IMMP2L: variants seen among roughly 807,000 people sequenced by gnomAD.
IMMP2L encodes inner mitochondrial membrane peptidase subunit 2, also known as mitochondrial inner membrane protease subunit 2.
IMMP2L carries 18 observed loss-of-function variants against 19.3 expected under a neutral mutation model. The observed-to-expected ratio is 0.93, with a 90% CI of 0.64 to 1.38. IMMP2L has a LOEUF of 1.38. Among genes scored for constraint, IMMP2L ranks in the 40% most tolerant of loss-of-function variants. The pLI, the probability that IMMP2L is intolerant of heterozygous loss-of-function variation, is 0.00. For missense variants in IMMP2L, 233 were observed against 218.2 expected (o/e 1.07, Z -0.43); for synonymous variants, 76 against 73.0 (o/e 1.04, Z -0.21).
intron 3 of IMMP2L, among the ~76,000 whole-genome samples, chr7:111,199,773 T>C (rs552620775): frequency 4.6e-5 from 7 of 152,266 alleles, no homozygotes; most frequent in South Asian, 2.1e-4. Flanking sequence ...TTAGGGATCA[T>C]GTTAAAACCA....
chr7:110,703,938 C>T (rs148864669), intron 5 of IMMP2L, among the ~76,000 whole-genome samples: 241 of 151,878 alleles, frequency 1.6e-3, no homozygotes, highest in African/African-American at 5.6e-3. Flanking sequence ...CTCCACCTCC[C>T]GGGTTCATGC....
intron 5 of IMMP2L, among the ~76,000 whole-genome samples, chr7:110,861,098 TGAGAGAGA>T (rs5886583): frequency 1.3e-4 from 19 of 141,730 alleles, no homozygotes; most frequent in Admixed American, 2.8e-4. Context: ...TGTGTGTGTG[TGAGAGAGA>T]GAGAGAGAGA....
intron 5 of IMMP2L, among the ~76,000 whole-genome samples, chr7:110,737,996 A>G (rs1796748596): frequency 6.6e-6 from 1 of 152,222 alleles, no homozygotes; most frequent in Non-Finnish European, 1.5e-5. Context: ...ATCCCCATTC[A>G]TAGGGGAAGG....
chr7:111,181,368 TTTC>T (rs2129611090), intron 3 of IMMP2L, among the ~76,000 whole-genome samples: 2 of 152,188 alleles, frequency 1.3e-5, no homozygotes, highest in East Asian at 3.9e-4. Context: ...ATTCTGCTAT[TTTC>T]TTATTTGTTT....
At chr7:111,531,849 A>G (rs991759458) in intron 1 of IMMP2L, among the ~76,000 whole-genome samples, 1 of 152,172 alleles carries the variant, frequency 6.6e-6, no homozygotes, top group African/African-American at 2.4e-5. Flanking sequence ...TTTTTCTTGA[A>G]GTAATAATAC....
chr7:111,347,841 C>A (rs981263238), intron 3 of IMMP2L, among the ~76,000 whole-genome samples: 2 of 152,034 alleles, frequency 1.3e-5, no homozygotes, highest in Non-Finnish European at 2.9e-5. Flanking sequence ...AGTTCCCCAC[C>A]TTTCCTCTTT....
rs532948473 is a variant in IMMP2L, at chr7:110,867,912, C to G, written c.408+18681G>C. Reference sequence around the variant, plus strand: ...GTTTCTGATGCTGACATTTCTCGGCCTCTCCATGCACTGCTCAGTCATGGT... The same window carrying G: ...GTTTCTGATGCTGACATTTCTCGGCGTCTCCATGCACTGCTCAGTCATGGT... On this transcript the variant is annotated intron_variant, in intron 5 of 5. Transcript: ENST00000405709. Among the ~76,000 whole-genome samples, 3 of 152,132 alleles carry G rather than the reference C, an allele frequency of 2.0e-5. No individual in the cohort carries two copies. The East Asian group carries it at 5.8e-4, about 29-fold the overall frequency.
chr7:111,534,250 A>G (rs762205418), intron 1 of IMMP2L, among the ~76,000 whole-genome samples: 55 of 152,148 alleles, frequency 3.6e-4, no homozygotes, highest in Non-Finnish European at 1.9e-4. Context: ...CAGTGAAAAA[A>G]TGAAAACAAC....
At chr7:111,326,093 G>A (rs139823914) in intron 3 of IMMP2L, among the ~76,000 whole-genome samples, 105 of 151,636 alleles carry the variant, frequency 6.9e-4, no homozygotes, top group Middle Eastern at 6.8e-3. Context: ...AACCAAACCT[G>A]AGTAAATTTC....
intron 5 of IMMP2L, among the ~76,000 whole-genome samples, chr7:110,729,571 C>T (rs2130808091): frequency 6.6e-6 from 1 of 152,330 alleles, no homozygotes. Context: ...GTCAACATTT[C>T]TGCTAATTTA....
rs1428366130 is a variant in IMMP2L, at chr7:111,387,533, T to C, written c.239+99705A>G. Among the ~76,000 whole-genome samples, 3 of 152,244 alleles carry C rather than the reference T, an allele frequency of 2.0e-5. No individual in the cohort carries two copies. The East Asian group carries it at 5.8e-4, about 29-fold the overall frequency. On this transcript the variant is annotated intron_variant, in intron 3 of 5. Transcript: ENST00000405709. ...AAAAGAAACCAAAGAAAAACCTGCC[T>C]TAACAATATAGATGGTTTCTTATTC...
chr7:110,866,949 C>T (rs556953650), intron 5 of IMMP2L, among the ~76,000 whole-genome samples: 10 of 151,954 alleles, frequency 6.6e-5, no homozygotes, highest in African/African-American at 1.2e-4. Flanking sequence ...CAGATTTTCA[C>T]GTACAAAAAA....
At chr7:111,386,440 A>C (rs1289208562) in intron 3 of IMMP2L, among the ~76,000 whole-genome samples, 1 of 152,162 alleles carries the variant, frequency 6.6e-6, no homozygotes, top group Non-Finnish European at 1.5e-5. Flanking sequence ...ATAAAGGTAC[A>C]TCAATTTATA....
At chr7:110,905,919 G>A (rs1319777325) in intron 4 of IMMP2L, among the ~76,000 whole-genome samples, 1 of 152,108 alleles carries the variant, frequency 6.6e-6, no homozygotes, top group Non-Finnish European at 1.5e-5. Flanking sequence ...TTCTCTTTGT[G>A]TATGAATCCA....
intron 3 of IMMP2L, among the ~76,000 whole-genome samples, chr7:111,312,573 C>G (rs996888593): frequency 6.6e-6 from 1 of 152,036 alleles, no homozygotes; most frequent in African/African-American, 2.4e-5. Context: ...TTCTATAAAC[C>G]TTCTAGTGTA....
chr7:110,747,700 C>G lies in IMMP2L; in HGVS notation c.409-83979G>C, dbSNP rs551315007. On this transcript the variant is annotated intron_variant, in intron 5 of 5. Transcript: ENST00000405709. Reference sequence around the variant, plus strand: ...AAAGCCTTCGAAAAAATTCAACAGCCCTTCATGCTAAAAACTCTCGATAAA... The same window carrying G: ...AAAGCCTTCGAAAAAATTCAACAGCGCTTCATGCTAAAAACTCTCGATAAA... Among the ~76,000 whole-genome samples, 18 of 152,200 alleles carry G rather than the reference C, an allele frequency of 1.2e-4. No individual in the cohort carries two copies. In the East Asian group the frequency reaches 2.7e-3, roughly 23 times the overall value.
chr7:111,446,659 T>A (rs1838473599), intron 3 of IMMP2L, among the ~76,000 whole-genome samples: 3 of 152,154 alleles, frequency 2.0e-5, no homozygotes, highest in Admixed American at 2.0e-4. Flanking sequence ...CCTCTCCTCC[T>A]CCAAAGGAAC....
At chr7:110,740,595 G>A (rs981205310) in intron 5 of IMMP2L, among the ~76,000 whole-genome samples, 1 of 152,022 alleles carries the variant, frequency 6.6e-6, no homozygotes, top group Admixed American at 6.6e-5. Context: ...AACAAAAAAA[G>A]TCTGGGACCA....
At chr7:110,786,359 C>G (rs1182561647) in intron 5 of IMMP2L, among the ~76,000 whole-genome samples, 1 of 151,924 alleles carries the variant, frequency 6.6e-6, no homozygotes, top group Non-Finnish European at 1.5e-5. Flanking sequence ...TCACTGAGAA[C>G]AGATGAGAGT....
Sources: gnomAD v4.1 joint callset for allele counts (sites outside exome capture counted in the v4.1 genomes callset) on GRCh38, gnomAD v4.1.1 for gene constraint, MANE v1.5 for transcripts, NCBI Gene and HGNC (gene_info 2026-07-23, HGNC 2026-07-21) for gene names.